CAST: variants seen among roughly 807,000 people sequenced by gnomAD.
The protein encoded by CAST is MIR583 host.
A neutral mutation model predicts 119.6 loss-of-function variants in CAST; 76 were observed. The observed-to-expected ratio is 0.64, with a 90% CI of 0.53 to 0.77. The LOEUF is 0.77. CAST is among the 30% of genes least tolerant of loss of function. The pLI is 0.00. For synonymous variants in CAST, 319 were observed against 331.6 expected (o/e 0.96, Z 0.41); for missense variants, 953 against 946.5 (o/e 1.01, Z -0.09).
At chr5:96,661,354 G>A (rs1748426330), upstream of CAST, among the ~76,000 whole-genome samples, 1 of 148,786 alleles carries the variant, frequency 6.7e-6, no homozygotes, top group South Asian at 2.2e-4. Context: ...GAACCTGGGA[G>A]GCGGAGATTG....
the CAST span, among the ~76,000 whole-genome samples, chr5:96,054,796 G>A: frequency 8.8e-4 from 134 of 152,232 alleles, no homozygotes; most frequent in African/African-American, 2.9e-3. Flanking sequence ...AACCTGAACC[G>A]TCTTGGAGCT....
the CAST span, among the ~76,000 whole-genome samples, chr5:95,986,900 G>A: frequency 6.6e-6 from 1 of 152,154 alleles, no homozygotes; most frequent in African/African-American, 2.4e-5. Flanking sequence ...CCTTGGCAGA[G>A]TAAAAAATGC....
At chr5:96,133,317 A>T in the CAST span, among the ~76,000 whole-genome samples, 1 of 151,866 alleles carries the variant, frequency 6.6e-6, no homozygotes, top group South Asian at 2.1e-4. Flanking sequence ...ACACACACAC[A>T]TGAGTTTTCC....
chr5:96,092,145 T>C, the CAST span, among the ~76,000 whole-genome samples: 1 of 152,218 alleles, frequency 6.6e-6, no homozygotes, highest in Non-Finnish European at 1.5e-5. Flanking sequence ...CCCTTTGACA[T>C]CATTTCCTTC....
At chr5:96,671,419 A>G (rs1750058490) in intron 1 of CAST, among the ~76,000 whole-genome samples, 1 of 152,184 alleles carries the variant, frequency 6.6e-6, no homozygotes, top group Non-Finnish European at 1.5e-5. Flanking sequence ...GATCACCCGC[A>G]TGCTCTAAAG....
At chr5:96,357,368 G>C in the CAST span, among the ~76,000 whole-genome samples, 1 of 152,112 alleles carries the variant, frequency 6.6e-6, no homozygotes, top group Admixed American at 6.5e-5. Context: ...CCAATACTAT[G>C]TTTAATAGAA....
At chr5:96,662,620 G>A in intron 1 of CAST, 123 bp downstream of exon 1, 1 of 1,129,334 alleles carries the variant, frequency 8.9e-7, no homozygotes, top group Non-Finnish European at 1.1e-6. Flanking sequence ...CCCCCGCGGG[G>A]CAGGGAGAGG....
At chr5:96,549,127 G>A (rs912670836) in intron 1 of CAST, among the ~76,000 whole-genome samples, 3 of 152,238 alleles carry the variant, frequency 2.0e-5, no homozygotes, top group African/African-American at 7.2e-5. Context: ...GCAATAAAGT[G>A]TAGAGTGAGA....
chr5:96,768,854 G>A (rs2150761724), intron 29 of CAST: 1 of 158,058 alleles, frequency 6.3e-6, no homozygotes, highest in South Asian at 1.9e-4. Context: ...CAAAGTTAGA[G>A]GCCTCTCTTC....
At chr5:96,174,006 T>C in the CAST span, among the ~76,000 whole-genome samples, 2 of 152,124 alleles carry the variant, frequency 1.3e-5, no homozygotes, top group East Asian at 3.9e-4. Flanking sequence ...ACTTCCGAAG[T>C]GCTGGGATTA....
At chr5:95,975,827 T>G in the CAST span, among the ~76,000 whole-genome samples, 2 of 152,180 alleles carry the variant, frequency 1.3e-5, no homozygotes, top group Non-Finnish European at 1.5e-5. Flanking sequence ...TCTTTTATAA[T>G]CATTTATTGC....
At chr5:96,132,666 C>G in the CAST span, among the ~76,000 whole-genome samples, 1 of 152,104 alleles carries the variant, frequency 6.6e-6, no homozygotes, top group Non-Finnish European at 1.5e-5. Flanking sequence ...AGGAATGGCT[C>G]ATCTTTAATT....
chr5:96,487,899 A>G, the CAST span, among the ~76,000 whole-genome samples: 2 of 152,206 alleles, frequency 1.3e-5, no homozygotes, highest in South Asian at 2.1e-4. Context: ...ATGCCATTAT[A>G]CATTAGGAAC....
the CAST span, among the ~76,000 whole-genome samples, chr5:96,264,805 C>G: frequency 6.6e-6 from 1 of 152,140 alleles, no homozygotes; most frequent in Admixed American, 6.5e-5. Flanking sequence ...GCTTTTATAT[C>G]TGGCTTCTTT....
chr5:96,456,364 A>G, the CAST span, among the ~76,000 whole-genome samples: 1 of 152,204 alleles, frequency 6.6e-6, no homozygotes, highest in Non-Finnish European at 1.5e-5. Flanking sequence ...GACGCATGCT[A>G]TCATGAAAAC....
the CAST span, among the ~76,000 whole-genome samples, chr5:96,015,536 C>T: frequency 2.0e-5 from 3 of 152,010 alleles, no homozygotes; most frequent in Non-Finnish European, 4.4e-5. Flanking sequence ...TCATTTAATA[C>T]TCCTATCACT....
the CAST span, among the ~76,000 whole-genome samples, chr5:96,355,433 T>C: frequency 6.6e-6 from 1 of 152,210 alleles, no homozygotes. Flanking sequence ...CTATCATTAA[T>C]GGCATTTGGG....
chr5:96,412,579 A>C, the CAST span: 2 of 1,264,616 alleles, frequency 1.6e-6, no homozygotes, highest in Non-Finnish European at 2.3e-6. Flanking sequence ...TTGTATTTTT[A>C]AAGGATTTTA....
At chr5:96,704,008 C>A (rs1754433209) in intron 3 of CAST, among the ~76,000 whole-genome samples, 1 of 151,984 alleles carries the variant, frequency 6.6e-6, no homozygotes, top group Non-Finnish European at 1.5e-5. Flanking sequence ...TTCTAGGAGG[C>A]AGTATAGGAT....
Sources: allele counts gnomAD v4.1 joint callset (sites outside exome capture counted in the v4.1 genomes callset), GRCh38; gene constraint gnomAD v4.1.1; transcripts MANE v1.5; gene names NCBI Gene and HGNC (gene_info 2026-07-23, HGNC 2026-07-21).